The following AFTPH variants were observed in gnomAD, a reference collection of about 807,000 sequenced individuals.
AFTPH encodes the protein aftiphilin protein.
Under a neutral mutation model 72.5 loss-of-function variants are expected in AFTPH, and 7 were observed. The ratio of observed to expected loss-of-function variants is 0.10; its 90% CI spans 0.05 to 0.18. The LOEUF (loss-of-function observed/expected upper bound fraction) is 0.18. Among genes scored for constraint, AFTPH ranks in the 10% least tolerant of loss-of-function variants. AFTPH has a pLI of 1.00. For missense variants in AFTPH, 979 were observed against 1,060.5 expected, an observed-to-expected ratio of 0.92 and a Z score of 1.07; for synonymous variants, 337 against 370.1, an observed-to-expected ratio of 0.91 and a Z score of 1.03.
At chr2:64,585,468 C>G in exon 8 of AFTPH, 1 of 1,613,714 alleles carries the variant, frequency 6.2e-7, no homozygotes, top group Non-Finnish European at 8.5e-7. Flanking sequence ...AGCTGGAAAT[C>G]TCCACCTCAA....
exon 9 of AFTPH, chr2:64,592,238 A>C: frequency 2.3e-6 from 1 of 434,194 alleles, no homozygotes; most frequent in Non-Finnish European, 4.0e-6. Flanking sequence ...AGAAAAATGT[A>C]AATAATCGGG....
chr2:64,551,527 A>T lies in AFTPH; in HGVS notation c.53A>T (p.Asn18Ile), dbSNP rs184801562. 7 of 1,613,918 alleles carry T rather than the reference A, an allele frequency of 4.3e-6. No homozygotes were observed. The African/African-American group carries it at 8.0e-5, about 18-fold the overall frequency. Residue 18 changes from asparagine to isoleucine, a missense_variant, in exon 2 of 9, where the codon AAT (asparagine) becomes ATT (isoleucine). Physicochemically the swap from Asn to Ile is moderately radical, Grantham distance 149 (BLOSUM62 -3). Around this residue, in one of 3 missense-constraint regions of AFTPH, gnomAD observed 43 missense variants for 63.0 expected, o/e 0.68. Transcript: ENST00000238856. ...TCTTCATCCCCACCACCATTAGACA[A>T]TGGAGCAGAGGATGATGATGATGAT...
intron 2 of AFTPH, among the ~76,000 whole-genome samples, chr2:64,565,024 AGACG>A (rs1345558224): frequency 5.3e-5 from 8 of 151,872 alleles, no homozygotes; most frequent in Non-Finnish European, 1.2e-4. Context: ...TTTTTAGTAG[AGACG>A]GGGTTTCACC....
intron 3 of AFTPH, among the ~76,000 whole-genome samples, chr2:64,568,776 A>G (rs1419321259): frequency 6.6e-6 from 1 of 151,972 alleles, no homozygotes; most frequent in African/African-American, 2.4e-5. Flanking sequence ...TGCCTGGCTA[A>G]TTTTTTGTAT....
intron 2 of AFTPH, among the ~76,000 whole-genome samples, chr2:64,565,993 A>G (rs893774191): frequency 6.6e-5 from 10 of 152,112 alleles, no homozygotes; most frequent in Non-Finnish European, 1.5e-4. Context: ...TTTTTTTCCT[A>G]TCCCATTAAA....
chr2:64,542,862 T>G (rs1558597911), intron 1 of AFTPH, among the ~76,000 whole-genome samples: 9 of 152,212 alleles, frequency 5.9e-5, no homozygotes. Context: ...AGGTTATTAT[T>G]TTAGCCACAG....
At chr2:64,533,969 C>T (rs1427988220) in intron 1 of AFTPH, among the ~76,000 whole-genome samples, 2 of 152,098 alleles carry the variant, frequency 1.3e-5, no homozygotes, top group Non-Finnish European at 2.9e-5. Flanking sequence ...AAGCAAAACT[C>T]CTAGGAGTAG....
intron 1 of AFTPH, among the ~76,000 whole-genome samples, chr2:64,546,145 G>A (rs1157175303): frequency 6.6e-6 from 1 of 151,342 alleles, no homozygotes; most frequent in Admixed American, 6.6e-5. Flanking sequence ...CTCCCACCTC[G>A]GCCTCCCAAA....
At chr2:64,577,914 A>G (rs762405799) in intron 6 of AFTPH, among the ~76,000 whole-genome samples, 7 of 152,048 alleles carry the variant, frequency 4.6e-5, no homozygotes, top group Non-Finnish European at 7.4e-5. Context: ...ATATAGTTCT[A>G]TATCATTATA....
At chr2:64,569,068 A>T in intron 3 of AFTPH, 24 bp from the exon 4 acceptor site, 9 of 1,613,510 alleles carry the variant, frequency 5.6e-6, no homozygotes, top group Non-Finnish European at 7.6e-6. Flanking sequence ...CCTGTTGTTG[A>T]TGGCTTCATC....
chr2:64,572,900 G>A, intron 5 of AFTPH, 46 bp from the exon 6 acceptor site: 1 of 1,599,850 alleles, frequency 6.3e-7, no homozygotes, highest in Non-Finnish European at 8.5e-7. Context: ...TAAGTTTATG[G>A]GCTGTGCACC....
Position 64,551,647 on chromosome 2 carries a change from A to G in AFTPH, c.173A>G (p.Glu58Gly), listed in dbSNP as rs762309957. 21 of 1,613,980 alleles carry G rather than the reference A, an allele frequency of 1.3e-5. No homozygotes were observed. In the East Asian group the frequency reaches 4.7e-4, roughly 36 times the overall value. Residue 58 changes from glutamate to glycine, a missense_variant, in exon 2 of 9, where the codon GAG becomes GGG. By Grantham distance (98) the Glu-to-Gly change is moderately conservative (BLOSUM62 -2). Coordinates refer to ENST00000238856, the Ensembl canonical transcript of AFTPH. The stretch of plus-strand genomic sequence containing the variant: ...CCAGATTATACTCGTCCCAAGGAAG[A>G]GTTTGTACCTTCAAACCATTTTATG...
chr2:64,569,638 A>G (rs1214678591), exon 5 of AFTPH: 1 of 1,613,766 alleles, frequency 6.2e-7, no homozygotes. Context: ...CACGGGCAAT[A>G]AGAAGCAGCC....
At chr2:64,575,088 C>G (rs999928644) in intron 6 of AFTPH, among the ~76,000 whole-genome samples, 2 of 151,758 alleles carry the variant, frequency 1.3e-5, no homozygotes, top group African/African-American at 4.8e-5. Context: ...ACCCCATAAA[C>G]TATTGCTTAT....
At chr2:64,531,471 A>C (rs1669629026) in intron 1 of AFTPH, among the ~76,000 whole-genome samples, 1 of 152,180 alleles carries the variant, frequency 6.6e-6, no homozygotes, top group South Asian at 2.1e-4. Context: ...AAAATTTTTG[A>C]ATGATTTAAA....
Position 64,573,017 on chromosome 2 carries a change from G to C in AFTPH, c.2343G>C (p.Gln781His), listed in dbSNP as rs200855637. Residue 781 changes from glutamine (Q) to histidine (H), a missense_variant, in exon 6 of 9, where the codon CAG (glutamine) becomes CAC (histidine). Transcript: ENST00000238856. ...CAGAAAAAATAGCTTCCATCGGTCA[G>C]ACAGCCACCATGTCACCAGATATGA... 14 of 1,614,112 alleles carry C rather than the reference G, an allele frequency of 8.7e-6. No homozygotes were observed. Among genetic ancestry groups the C allele is most frequent in the African/African-American group, 2.7e-5 (2 of 75,042 alleles).
At chr2:64,546,322 C>T (rs1461683019) in intron 1 of AFTPH, among the ~76,000 whole-genome samples, 2 of 151,982 alleles carry the variant, frequency 1.3e-5, no homozygotes, top group Non-Finnish European at 2.9e-5. Flanking sequence ...GTGTTATGAG[C>T]ATGTAAAACT....
chr2:64,569,830 C>G, intron 5 of AFTPH, 151 bp downstream of exon 5: 2 of 614,656 alleles, frequency 3.3e-6, no homozygotes, highest in Non-Finnish European at 5.4e-6. Context: ...TCTCATAAAT[C>G]CCATCAAATA....
At chr2:64,534,365 T>C (rs1470720043) in intron 1 of AFTPH, among the ~76,000 whole-genome samples, 1 of 152,164 alleles carries the variant, frequency 6.6e-6, no homozygotes, top group African/African-American at 2.4e-5. Flanking sequence ...TTTGATAATA[T>C]CTTCATTCAA....
Sources: gnomAD v4.1 joint callset for allele counts (sites outside exome capture counted in the v4.1 genomes callset) on GRCh38, gnomAD v4.1.1 for gene constraint, gnomAD v4.1.1 regional missense constraint, MANE v1.5 for transcripts, NCBI Gene and HGNC (gene_info 2026-07-23, HGNC 2026-07-21) for gene names.